Variants in COPS4 observed in about 807,000 individuals in gnomAD.
The protein encoded by COPS4 is COP9 signalosome subunit 4.
A neutral mutation model predicts 55.1 loss-of-function variants in COPS4; 8 were observed. The ratio of observed to expected loss-of-function variants is 0.15; its 90% confidence interval spans 0.09 to 0.26. COPS4 has a LOEUF of 0.26. COPS4 is among the 10% of genes least tolerant of loss of function. The probability of loss-of-function intolerance (pLI) is 1.00; values close to 1 mark genes in which losing one functional copy is unlikely to be tolerated. For synonymous variants in COPS4, 185 were observed against 165.7 expected (o/e 1.12, Z -0.90); for missense variants, 248 against 484.0 (o/e 0.51, Z 4.58).
intron 1 of COPS4, among the ~76,000 whole-genome samples, chr4:83,044,506 G>A (rs1418355836): frequency 2.6e-5 from 4 of 151,108 alleles, no homozygotes; most frequent in Non-Finnish European, 4.4e-5. Context: ...GGCCGGGCAC[G>A]GTGGCTAACG....
chr4:83,066,386 T>C lies in COPS4; in HGVS notation c.887-52T>C, dbSNP rs941468277. On this transcript the variant is annotated intron_variant, in intron 7 of 9. Coordinates refer to ENST00000264389, the MANE Select transcript of COPS4 (RefSeq NM_016129.3). ...ATTTTCAGAAAAAATGATGCATCTT[T>C]TTAGAGTATAAAACTAGTTTCAAAC... The C allele has an allele frequency of 1.1e-5, 10 of 869,710 alleles. No individual in the cohort carries two copies. In the Admixed American group the frequency reaches 2.6e-4, roughly 23 times the overall value. 53.9% of individuals were successfully genotyped at this position (869,710 alleles called of 1,614,324 possible).
At chr4:83,064,664 G>A (rs1731250632) in intron 7 of COPS4, among the ~76,000 whole-genome samples, 1 of 151,366 alleles carries the variant, frequency 6.6e-6, no homozygotes, top group South Asian at 2.1e-4. Flanking sequence ...GTGCAATCAT[G>A]GCCCACTGCA....
intron 6 of COPS4, among the ~76,000 whole-genome samples, chr4:83,060,069 T>TATGAAGAAA (rs1731123003): frequency 6.6e-6 from 1 of 152,122 alleles, no homozygotes; most frequent in East Asian, 1.9e-4. Flanking sequence ...AGTTAAAGTA[T>TATGAAGAAA]ATGAAGAAAA....
chr4:83,068,404 T>A, intron 8 of COPS4, 34 bp from the exon 9 acceptor site: 2 of 1,417,118 alleles, frequency 1.4e-6, no homozygotes, highest in Non-Finnish European at 2.0e-6. Flanking sequence ...AAAGATATGA[T>A]AAAGTTTCTG....
rs776132358 is a variant in COPS4, at chr4:83,063,277, G to GTGAT, written c.886+32_886+33insGATT. The GTGAT allele has an allele frequency of 7.1e-6, 11 of 1,546,248 alleles. No homozygotes were observed. In the African/African-American group the frequency reaches 1.6e-4, roughly 23 times the overall value. ...GATCCTGTCTTATGTGTATATGGTA[G>GTGAT]TCAATGTTTAGGTACAGACTAGTGA... On this transcript the variant is annotated intron_variant, in intron 7 of 9. Transcript: ENST00000264389.
In COPS4 at chr4:83,068,491, T is replaced by C. The variant is rs147109423; in HGVS notation, c.1056T>C (p.Ile352=). The C allele has an allele frequency of 1.1e-5, 17 of 1,610,498 alleles. No individual in the cohort carries two copies. The highest frequency in any genetic ancestry group is 1.3e-5 in the African/African-American group (1 of 74,858). ...CCGAAGGACGTATGAATGGATTTAT[T>C]GACCAGATTGATGGAATAGTTCATT... ...MITEGRMNGF[I]DQIDGIVHFE... Residue 352 remains isoleucine (I), a synonymous_variant, in exon 9 of 10, where the codon ATT becomes ATC. Transcript: ENST00000264389.
At chr4:83,061,577 G>A (rs1578717042) in intron 6 of COPS4, among the ~76,000 whole-genome samples, 2 of 152,086 alleles carry the variant, frequency 1.3e-5, no homozygotes, top group East Asian at 3.9e-4. Context: ...TTTCTTATTG[G>A]CTGCTAGGAA....
chr4:83,063,195 C>G lies in COPS4; in HGVS notation c.835C>G (p.Gln279Glu), dbSNP rs1259360303. 4 of 1,612,818 alleles carry G rather than the reference C, an allele frequency of 2.5e-6. No individual in the cohort carries two copies. Among genetic ancestry groups the G allele is most frequent in the Non-Finnish European group, 3.4e-6 (4 of 1,179,666 alleles). ...TAGGATCATCAGAGGAAATCAACTT[C>G]AAGAATTTGCTGCCATGCTGATGCC... ...LDRIIRGNQL[Q>E]EFAAMLMPHQ... Residue 279 changes from glutamine (Q) to glutamate (E), a missense_variant, in exon 7 of 10, where the codon CAA becomes GAA. Physicochemically the swap from Gln to Glu is conservative, Grantham distance 29. Transcript: ENST00000264389.
At chr4:83,068,355 C>A in intron 8 of COPS4, 83 bp from the exon 9 acceptor site, 1 of 901,328 alleles carries the variant, frequency 1.1e-6, no homozygotes, top group Admixed American at 2.1e-5. Flanking sequence ...GGTAGTTAAA[C>A]CAGAAGCTTT....
At chr4:83,067,658 C>T (rs1345146960) in intron 8 of COPS4, among the ~76,000 whole-genome samples, 3 of 151,818 alleles carry the variant, frequency 2.0e-5, no homozygotes, top group African/African-American at 2.4e-5. Context: ...GTCATTGTGC[C>T]TGGCATGGCA....
intron 4 of COPS4, among the ~76,000 whole-genome samples, chr4:83,051,538 G>A (rs1172779225): frequency 6.6e-6 from 1 of 152,156 alleles, no homozygotes; most frequent in Admixed American, 6.5e-5. Flanking sequence ...TGTATGTAGA[G>A]TGTGCAAAAA....
intron 9 of COPS4, among the ~76,000 whole-genome samples, chr4:83,070,818 CT>C (rs1560444917): frequency 6.6e-6 from 1 of 152,140 alleles, no homozygotes; most frequent in East Asian, 1.9e-4. Context: ...TCATGTTATT[CT>C]TTTGTTTACA....
At chr4:83,040,979 A>G (rs187992623) in intron 1 of COPS4, among the ~76,000 whole-genome samples, 3 of 151,814 alleles carry the variant, frequency 2.0e-5, no homozygotes, top group Admixed American at 1.3e-4. Context: ...AAGATGCTCA[A>G]TTCACTGATG....
rs1578709281 is a variant in COPS4, at chr4:83,050,996, C to T, written c.410+1012C>T. 2.0e-5 allele frequency among the ~76,000 whole-genome samples: 3 copies of T among 151,454 alleles called. No individual in the cohort carries two copies. In the South Asian group the frequency reaches 6.2e-4, roughly 31 times the overall value. On this transcript the variant is annotated intron_variant, in intron 4 of 9. Transcript: ENST00000264389. The stretch of plus-strand genomic sequence containing the variant: ...TTATGAGACCAGGTACAGTGGCTCA[C>T]ACCTATGGTCCAAGCACTTTGGGAG...
At chr4:83,036,800 AT>A (rs1318670381) in intron 1 of COPS4, among the ~76,000 whole-genome samples, 2 of 151,972 alleles carry the variant, frequency 1.3e-5, no homozygotes, top group Non-Finnish European at 2.9e-5. Flanking sequence ...ATCAGCTTAT[AT>A]TTTTCCCCAT....
chr4:83,071,156 T>C (rs867630076), intron 9 of COPS4, among the ~76,000 whole-genome samples: 61 of 152,248 alleles, frequency 4.0e-4, no homozygotes, highest in African/African-American at 1.4e-3. Context: ...GTGTAACTAT[T>C]TGTCTAAATG....
chr4:83,037,055 T>G (rs1730441901), intron 1 of COPS4, among the ~76,000 whole-genome samples: 1 of 152,216 alleles, frequency 6.6e-6, no homozygotes, highest in Non-Finnish European at 1.5e-5. Flanking sequence ...TGGACTGCTT[T>G]GCTGGTCTTG....
chr4:83,051,338 T>C (rs1005931317), intron 4 of COPS4, among the ~76,000 whole-genome samples: 2 of 152,082 alleles, frequency 1.3e-5, no homozygotes, highest in Non-Finnish European at 2.9e-5. Context: ...GGCGAGAGGA[T>C]TGTGTGAACC....
chr4:83,056,987 G>A lies in COPS4; in HGVS notation c.472G>A (p.Asp158Asn), dbSNP rs763898747. ...GAAGATTGCTAGGCTATATCTGGAG[G>A]ATGATGATCCAGTCCAGGCAGAGGC... ...YLKIARLYLE[D>N]DDPVQAEAYI... Residue 158 changes from aspartate (D) to asparagine (N), a missense_variant, in exon 5 of 10, where the codon GAT (aspartate) becomes AAT (asparagine). Physicochemically the swap from Asp to Asn is conservative, Grantham distance 23. Around this residue, in one of 4 missense-constraint regions of COPS4, gnomAD observed 155 missense variants for 326.6 expected, o/e 0.47. Transcript: ENST00000264389. 3 of 1,613,120 alleles carry A rather than the reference G, an allele frequency of 1.9e-6. No homozygotes were observed. The highest frequency in any genetic ancestry group is 2.5e-6 in the Non-Finnish European group (3 of 1,179,104).
Sources: gnomAD v4.1 joint callset for allele counts (sites outside exome capture counted in the v4.1 genomes callset) on GRCh38, gnomAD v4.1.1 for gene constraint, gnomAD v4.1.1 regional missense constraint, MANE v1.5 for transcripts, NCBI Gene and HGNC (gene_info 2026-07-23, HGNC 2026-07-21) for gene names.